The following CEP95 variants were observed in gnomAD, a reference collection of about 807,000 sequenced individuals.
CEP95 encodes the protein centrosomal protein of 95 kDa.
A neutral mutation model predicts 111.2 loss-of-function variants in CEP95; 98 were observed. The ratio of observed to expected loss-of-function variants is 0.88; its 90% CI spans 0.75 to 1.04. CEP95 has a LOEUF of 1.04. CEP95 is among the 50% of genes least tolerant of loss of function. The pLI, the probability that CEP95 is intolerant of heterozygous loss-of-function variation, is 0.00. For synonymous variants in CEP95, 323 were observed against 327.1 expected, an observed-to-expected ratio of 0.99 and a Z score of 0.14; for missense variants, 1,027 against 977.2, an observed-to-expected ratio of 1.05 and a Z score of -0.68.
Position 64,507,091 on chromosome 17 carries a change from C to A in CEP95, c.-7C>A. 2 of 1,551,452 alleles carry A rather than the reference C, an allele frequency of 1.3e-6. No homozygotes were observed. The highest frequency in any genetic ancestry group is 2.4e-5 in the South Asian group (2 of 84,076). ...GTCGGAGTCCGGCGGCGACCTGCCTCTGAAACATGGCAGGCTCGGATGCTG... is the reference window on the plus strand; with the variant it reads ...GTCGGAGTCCGGCGGCGACCTGCCTATGAAACATGGCAGGCTCGGATGCTG... On this transcript the variant is annotated 5_prime_UTR_variant, in exon 1 of 20. It adds an upstream start codon to the 5' untranslated region. Transcript: ENST00000556440.
intron 1 of CEP95, chr17:64,507,991 G>A: frequency 1.0e-6 from 1 of 985,330 alleles, no homozygotes; most frequent in Non-Finnish European, 1.2e-6. Context: ...TGAGCTTCAT[G>A]TACTTCCCAT....
chr17:64,530,611 C>T (rs782248497), intron 12 of CEP95, among the ~76,000 whole-genome samples: 14 of 151,228 alleles, frequency 9.3e-5, no homozygotes, highest in Non-Finnish European at 1.5e-4. Context: ...CGGGTTCAAG[C>T]GATTCTCCTG....
chr17:64,527,110 G>A lies in CEP95; in HGVS notation c.1153-1G>A. ...GATGTTGAAAAGAATTTTCTCAATA[G>A]ATGTTAAAAAGTGCTCTGGGTGATC... On this transcript the variant is annotated splice_acceptor_variant, in intron 10 of 19. Transcript: ENST00000556440. LOFTEE classifies it high-confidence loss of function. The A allele has an allele frequency of 1.4e-5, 22 of 1,608,668 alleles. No homozygotes were observed. The highest frequency in any genetic ancestry group is 1.9e-5 in the Non-Finnish European group (22 of 1,177,836).
chr17:64,525,459 CTAGTGA>C (rs1346576676), intron 8 of CEP95, among the ~76,000 whole-genome samples: 1 of 152,134 alleles, frequency 6.6e-6, no homozygotes, highest in African/African-American at 2.4e-5. Context: ...ATACTTTGTA[CTAGTGA>C]TAATTTTTTT....
Position 64,532,822 on chromosome 17 carries a change from C to T in CEP95, c.1673-17C>T, listed in dbSNP as rs374122614. 10 of 1,602,290 alleles carry T rather than the reference C, an allele frequency of 6.2e-6. No homozygotes were observed. Among genetic ancestry groups the T allele is most frequent in the Non-Finnish European group, 8.5e-6 (10 of 1,176,248 alleles). On this transcript the variant is annotated splice_polypyrimidine_tract_variant and intron_variant, in intron 14 of 19. Coordinates refer to ENST00000556440, the MANE Select transcript of CEP95 (RefSeq NM_138363.3). ...TGTCCACGTCTCAGATTAAGAACAT[C>T]TTATTTTACCTTGCAGTGAAAGTAA...
intron 17 of CEP95, 56 bp from the exon 18 acceptor site, chr17:64,536,546 T>G: frequency 7.3e-7 from 1 of 1,372,088 alleles, no homozygotes; most frequent in Non-Finnish European, 1.0e-6. Flanking sequence ...TATATACCTC[T>G]AGTTGGCCAA....
rs572414212 is a variant in CEP95, at chr17:64,520,084, G to A, written c.589+648G>A. Among the ~76,000 whole-genome samples, 9 of 152,276 alleles carry A rather than the reference G, an allele frequency of 5.9e-5. No homozygotes were observed. The East Asian group carries it at 1.2e-3, about 20-fold the overall frequency. On this transcript the variant is annotated intron_variant, in intron 6 of 19. Coordinates refer to ENST00000556440, the MANE Select transcript of CEP95 (RefSeq NM_138363.3). Reference sequence around the variant, plus strand: ...TTGCCATTGGGATAGGCACAGAAACGGAAGGACCAGAGTCAAGTGTGGATA... The same window carrying A: ...TTGCCATTGGGATAGGCACAGAAACAGAAGGACCAGAGTCAAGTGTGGATA...
intron 7 of CEP95, among the ~76,000 whole-genome samples, chr17:64,521,946 T>A (rs570419011): frequency 3.3e-4 from 50 of 152,236 alleles, no homozygotes; most frequent in Non-Finnish European, 5.6e-4. Context: ...AACCTCCGCC[T>A]CCTGGGTTCA....
At chr17:64,528,457 C>T (rs1299361701) in intron 11 of CEP95, among the ~76,000 whole-genome samples, 2 of 152,074 alleles carry the variant, frequency 1.3e-5, no homozygotes, top group Non-Finnish European at 2.9e-5. Flanking sequence ...ATTGTGAAAA[C>T]AGGTTATAAA....
At chr17:64,527,866 G>GTATATA (rs1356812031) in intron 11 of CEP95, among the ~76,000 whole-genome samples, 11 of 124,264 alleles carry the variant, frequency 8.9e-5, no homozygotes, top group African/African-American at 3.4e-4. Context: ...GTGTGTGTGT[G>GTATATA]TGTGTATATA....
At chr17:64,514,536 C>T (rs782410734) in intron 4 of CEP95, 178 bp downstream of exon 4, 3 of 466,594 alleles carry the variant, frequency 6.4e-6, no homozygotes, top group Admixed American at 3.7e-5. Flanking sequence ...CTGTCTTAGA[C>T]TGTCATCATG....
At chr17:64,537,341 A>G in intron 19 of CEP95, 2 of 1,406,324 alleles carry the variant, frequency 1.4e-6, no homozygotes, top group African/African-American at 1.4e-5. Flanking sequence ...CACATGACTA[A>G]TTTACATTTT....
chr17:64,516,702 G>T (rs782671903), intron 4 of CEP95, 21 bp from the exon 5 acceptor site: 1 of 1,489,932 alleles, frequency 6.7e-7, no homozygotes, highest in Admixed American at 1.8e-5. Flanking sequence ...TTTTGGTATT[G>T]TTTTTATCTG....
chr17:64,522,669 C>T (rs377407072), intron 7 of CEP95, 33 bp from the exon 8 acceptor site: 750 of 1,510,226 alleles, frequency 5.0e-4, no homozygotes, highest in Non-Finnish European at 6.4e-4. Context: ...CTTAGAATTG[C>T]ATCGTAATAT....
chr17:64,534,876 C>G (rs1968545711), intron 17 of CEP95, 139 bp downstream of exon 17: 10 of 936,542 alleles, frequency 1.1e-5, no homozygotes, highest in Non-Finnish European at 1.3e-5. Context: ...GCCCTGAGTT[C>G]TGCTTGGCCA....
At position 64,526,073 on chromosome 17, in the gene CEP95, A is replaced by T. The variant is rs1555679026; in HGVS notation, c.1025A>T (p.Asn342Ile). The T allele has an allele frequency of 6.2e-7, 1 of 1,610,978 alleles. No homozygotes were observed. The highest frequency in any genetic ancestry group is 1.1e-5 in the South Asian group (1 of 90,150). Residue 342 changes from asparagine to isoleucine, a missense_variant and splice_region_variant, in exon 10 of 20, where the codon AAT becomes ATT. Asn to Ile is a moderately radical substitution (Grantham distance 149). Coordinates refer to ENST00000556440, the MANE Select transcript of CEP95 (RefSeq NM_138363.3). ...TCAAATGGTCACTTTTATTACAGAA[A>T]TGAAAACAGAGCTACAGCCTCATCC... ...RTRKPPKGKRNENRATASSCN... is the reference protein window; with the variant it reads ...RTRKPPKGKRIENRATASSCN...
At chr17:64,508,790 A>G (rs1486786805) in intron 2 of CEP95, 70 bp downstream of exon 2, 2 of 632,464 alleles carry the variant, frequency 3.2e-6, no homozygotes, top group South Asian at 5.4e-5. Flanking sequence ...CTTTAGTTAG[A>G]TTCTTTGATA....
In CEP95 at chr17:64,527,895, C is replaced by T. The variant is rs73993976; in HGVS notation, c.1306+631C>T. 5.8e-3 allele frequency among the ~76,000 whole-genome samples: 855 copies of T among 146,598 alleles called. 5 individuals carry two copies. The highest frequency in any genetic ancestry group is 0.021 in the African/African-American group (795 of 38,684). On this transcript the variant is annotated intron_variant, in intron 11 of 19. Coordinates refer to ENST00000556440, the MANE Select transcript of CEP95 (RefSeq NM_138363.3). Reference sequence around the variant, plus strand: ...GTATATATATATATATATATATACACACACACACACACGCGTGTAGCACTA... The same window carrying T: ...GTATATATATATATATATATATACATACACACACACACGCGTGTAGCACTA...
At chr17:64,514,192 T>C (rs1377697414) in intron 3 of CEP95, 56 bp from the exon 4 acceptor site, 1 of 703,890 alleles carries the variant, frequency 1.4e-6, no homozygotes, top group African/African-American at 1.8e-5. Flanking sequence ...TTCAAGATTA[T>C]GAAGCTTTCA....
Sources: allele counts gnomAD v4.1 joint callset (sites outside exome capture counted in the v4.1 genomes callset), GRCh38; gene constraint gnomAD v4.1.1; transcripts MANE v1.5; gene names NCBI Gene and HGNC (gene_info 2026-07-23, HGNC 2026-07-21).